The following PRX variants were observed in gnomAD, a reference collection of about 807,000 sequenced individuals.
PRX encodes periaxin.
A neutral mutation model predicts 29.6 loss-of-function variants in PRX; 24 were observed. That is an observed-to-expected ratio of 0.81 (90% CI 0.59 to 1.14). The LOEUF is 1.14. PRX is among the 50% of genes most tolerant of loss of function. The pLI is 0.00. For synonymous variants in PRX, 772 were observed against 831.7 expected, an observed-to-expected ratio of 0.93 and a Z score of 1.24; for missense variants, 1,838 against 1,926.4, an observed-to-expected ratio of 0.95 and a Z score of 0.86.
chr19:40,404,931 CAGAACAAG>C (rs928379294), intron 4 of PRX, among the ~76,000 whole-genome samples: 1 of 152,058 alleles, frequency 6.6e-6, no homozygotes, highest in African/African-American at 2.4e-5. Context: ...TTAATTACAG[CAGAACAAG>C]AGAATAGTTG....
intron 4 of PRX, among the ~76,000 whole-genome samples, chr19:40,405,057 T>G (rs190193089): frequency 2.2e-4 from 34 of 152,162 alleles, no homozygotes; most frequent in Admixed American, 2.1e-3. Flanking sequence ...TGTGAGAATG[T>G]GCTCTATTGT....
At chr19:40,413,150 G>A (rs2079566506) in intron 1 of PRX, among the ~76,000 whole-genome samples, 188 bp downstream of exon 1, 1 of 152,166 alleles carries the variant, frequency 6.6e-6, no homozygotes, top group South Asian at 2.1e-4. Flanking sequence ...TCTTGCCCAA[G>A]GCTGCACAGC....
At chr19:40,407,565 T>C (rs1285457611) in intron 4 of PRX, 1 of 451,084 alleles carries the variant, frequency 2.2e-6, no homozygotes, top group African/African-American at 2.0e-5. Flanking sequence ...CCTCCCAAAG[T>C]GCTGGAATTC....
chr19:40,397,834 T>G lies in PRX; in HGVS notation c.518A>C (p.Glu173Ala). 6.3e-7 allele frequency: 1 copy of G among 1,596,592 alleles called. No individual in the cohort carries two copies. ...AGCCGGGACAGGACCCTTGACAGCC[T>G]CGGCTTTGAGGCCCCGACGCAGGCG... ...FSRLRRGLKA[E>A]AVKGPVPAAP... is the part of the protein sequence containing the mutation. The change falls in exon 7 of 7, where the codon GAG becomes GCG. Residue 173 changes from glutamate (E) to alanine (A), a missense_variant. Physicochemically the swap from Glu to Ala is moderately radical, Grantham distance 107. Coordinates refer to ENST00000324001, the MANE Select transcript of PRX (RefSeq NM_181882.3).
In PRX at chr19:40,394,232, C is replaced by T. The variant is rs1174010000; in HGVS notation, c.4120G>A (p.Val1374Ile). Residue 1374 changes from valine to isoleucine, a missense_variant, in exon 7 of 7, where the codon GTC becomes ATC. By Grantham distance (29) the Val-to-Ile change is conservative. Transcript: ENST00000324001. This position sits in a 1 kb window ranked among gnomAD's most constrained non-coding sequence, Gnocchi z 5.8. The part of the protein sequence containing the change: ...GEGASGRRGR[V>I]RVRLPRVGLA... ...CCTACACGTGGCAAGCGGACCCGGA[C>T]CCGGCCCCGGCGACCCGAGGCCCCT... is the stretch of plus-strand genomic sequence containing the variant. 2 of 1,604,538 alleles carry T rather than the reference C, an allele frequency of 1.2e-6. No individual in the cohort carries two copies. The highest frequency in any genetic ancestry group is 8.5e-7 in the Non-Finnish European group (1 of 1,173,090).
chr19:40,401,462 A>G (rs1474120095), intron 5 of PRX, among the ~76,000 whole-genome samples: 1 of 151,972 alleles, frequency 6.6e-6, no homozygotes, highest in African/African-American at 2.4e-5. Context: ...GCTTGGCCAT[A>G]CTCTACTGTT....
chr19:40,413,149 A>G (rs2079566484), intron 1 of PRX, among the ~76,000 whole-genome samples, 189 bp downstream of exon 1: 3 of 152,196 alleles, frequency 2.0e-5, no homozygotes, highest in Non-Finnish European at 2.9e-5. Flanking sequence ...ATCTTGCCCA[A>G]GGCTGCACAG....
chr19:40,398,431 G>C lies in PRX; in HGVS notation c.381+189C>G. On this transcript the variant is annotated intron_variant, in intron 6 of 6. Transcript: ENST00000324001. This position sits in a 1 kb window ranked among gnomAD's most constrained non-coding sequence, Gnocchi z 6.3. Reference sequence around the variant, plus strand: ...CCGAGGTGGGTGAGGGCCCTGGGCTGGGGTGGGTCTGTCCCCCTTCCCGGG... The same window carrying C: ...CCGAGGTGGGTGAGGGCCCTGGGCTCGGGTGGGTCTGTCCCCCTTCCCGGG... 6.7e-7 allele frequency: 1 copy of C among 1,501,194 alleles called. No homozygotes were observed. The highest frequency in any genetic ancestry group is 8.8e-7 in the Non-Finnish European group (1 of 1,131,966). 93.0% of individuals were successfully genotyped at this position (1,501,194 alleles called of 1,614,324 possible).
At position 40,395,776 on chromosome 19, in the gene PRX, A is replaced by G. The variant is rs2079428460; in HGVS notation, c.2576T>C (p.Leu859Pro). The G allele has an allele frequency of 6.2e-7, 1 of 1,613,714 alleles. No homozygotes were observed. The highest frequency in any genetic ancestry group is 1.3e-5 in the African/African-American group (1 of 74,884). The stretch of plus-strand genomic sequence containing the variant: ...CAGGCCAAGTGCTCCTGGCAGGTCT[A>G]GCTCCACTGAAGGCAGAGTGAGAGA... ...VPSLTLPSVELDLPGALGLQG... is the reference protein window; with the variant it reads ...VPSLTLPSVEPDLPGALGLQG... Residue 859 changes from leucine to proline, a missense_variant, in exon 7 of 7, where the codon CTA becomes CCA. This residue lies in a region of PRX where 1,143 missense variants were observed against 1,193.0 expected (regional missense o/e 0.96). Transcript: ENST00000324001.
Position 40,403,699 on chromosome 19 carries a change from C to G in PRX, c.184+7G>C, listed in dbSNP as rs1349894582. On this transcript the variant is annotated splice_region_variant and intron_variant, in intron 5 of 6. Coordinates refer to ENST00000324001, the MANE Select transcript of PRX (RefSeq NM_181882.3). ...TCGACCCCGCCCCACACCCCGGGCC[C>G]GCCCACCTTCCTGCAGGCTGAGGCT... 1 of 1,546,150 alleles carries G rather than the reference C, an allele frequency of 6.5e-7. No homozygotes were observed. The highest frequency in any genetic ancestry group is 1.9e-5 in the Admixed American group (1 of 52,322).
At chr19:40,412,356 T>G (rs2079562433) in intron 1 of PRX, among the ~76,000 whole-genome samples, 1 of 152,188 alleles carries the variant, frequency 6.6e-6, no homozygotes, top group African/African-American at 2.4e-5. Flanking sequence ...GGCAAGATCC[T>G]TCATCTCTGG....
intron 5 of PRX, among the ~76,000 whole-genome samples, chr19:40,399,539 G>A (rs1042095668): frequency 6.6e-6 from 1 of 152,164 alleles, no homozygotes; most frequent in Admixed American, 6.5e-5. Flanking sequence ...CCTCTGTATA[G>A]TAAGTCCAAG....
intron 4 of PRX, among the ~76,000 whole-genome samples, chr19:40,405,063 A>G (rs1379479666): frequency 2.6e-5 from 4 of 152,076 alleles, no homozygotes; most frequent in African/African-American, 9.7e-5. Flanking sequence ...AATGTGCTCT[A>G]TTGTAAATTC....
In PRX at chr19:40,407,265, CT is replaced by C. The variant is rs796139969; in HGVS notation, c.27+640del. Reference sequence around the variant, plus strand: ...GTGTGTGTGTGTGTTTAGACAGGGTCTTTTTTTTTTTTTCTTTGTTTTTCTC... The same window carrying C: ...GTGTGTGTGTGTGTTTAGACAGGGTCTTTTTTTTTTTTCTTTGTTTTTCTC... On this transcript the variant is annotated intron_variant, in intron 4 of 6. Coordinates refer to ENST00000324001, the MANE Select transcript of PRX (RefSeq NM_181882.3). 7.8e-3 allele frequency among the ~76,000 whole-genome samples: 965 copies of C among 123,754 alleles called. 6 individuals carry two copies. Among genetic ancestry groups the C allele is most frequent in the African/African-American group, 0.022 (636 of 29,178 alleles). 81.2% of individuals were successfully genotyped at this position (123,754 alleles called of 152,430 possible).
In PRX at chr19:40,395,769, C is replaced by A. The variant is rs774488422; in HGVS notation, c.2583G>T (p.Leu861=). ...SLTLPSVELD[L]PGALGLQGQV... ...GCCCCTGCAGGCCAAGTGCTCCTGG[C>A]AGGTCTAGCTCCACTGAAGGCAGAG... The change falls in exon 7 of 7, where the codon CTG becomes CTT. Residue 861 remains leucine, a synonymous_variant. Transcript: ENST00000324001. 3 of 1,614,132 alleles carry A rather than the reference C, an allele frequency of 1.9e-6. No individual in the cohort carries two copies. The highest frequency in any genetic ancestry group is 1.7e-6 in the Non-Finnish European group (2 of 1,180,028).
chr19:40,413,742 G>A (rs1010609542), upstream of PRX, among the ~76,000 whole-genome samples: 20 of 152,120 alleles, frequency 1.3e-4, no homozygotes, highest in Non-Finnish European at 2.4e-4. Context: ...TGTCAACTTG[G>A]GTTCAAATCG....
In PRX at chr19:40,407,987, C is replaced by T; in HGVS notation, c.-55G>A. On this transcript the variant is annotated 5_prime_UTR_variant, in exon 4 of 7. Coordinates refer to ENST00000324001, the MANE Select transcript of PRX (RefSeq NM_181882.3). The stretch of plus-strand genomic sequence containing the variant: ...GCTCCTGTGTCCTCTCCCCTTTCTG[C>T]TGCAGAACCAGCTTCAGTTCTGCAT... 1 of 1,612,198 alleles carries T rather than the reference C, an allele frequency of 6.2e-7. No individual in the cohort carries two copies. Among genetic ancestry groups the T allele is most frequent in the South Asian group, 1.1e-5 (1 of 90,920 alleles).
At position 40,398,428 on chromosome 19, in the gene PRX, G is replaced by C. The variant is rs2079462877; in HGVS notation, c.381+192C>G. On this transcript the variant is annotated intron_variant, in intron 6 of 6. Coordinates refer to ENST00000324001, the MANE Select transcript of PRX (RefSeq NM_181882.3). The surrounding 1 kb of genome is among the most constrained non-coding windows in gnomAD (Gnocchi z 6.3). ...TCTCCGAGGTGGGTGAGGGCCCTGGGCTGGGGTGGGTCTGTCCCCCTTCCC... is the reference window on the plus strand; with the variant it reads ...TCTCCGAGGTGGGTGAGGGCCCTGGCCTGGGGTGGGTCTGTCCCCCTTCCC... 7.3e-6 allele frequency: 11 copies of C among 1,497,478 alleles called. No individual in the cohort carries two copies. In the South Asian group the frequency reaches 9.3e-5, roughly 13 times the overall value. The allele number at this position is 1,497,478 out of a possible 1,614,324, so 92.8% of individuals were successfully genotyped here. A position where few individuals can be genotyped will look rare whatever the true frequency, so the allele number is the denominator to read the frequency against.
chr19:40,395,351 GGGCATCCA>G lies in PRX; in HGVS notation c.2993_3000del (p.Leu998ProfsTer34), dbSNP rs1231723888. On this transcript the variant is annotated frameshift_variant, in exon 7 of 7. Coordinates refer to ENST00000324001, the MANE Select transcript of PRX (RefSeq NM_181882.3). LOFTEE classifies it low-confidence loss of function (END_TRUNC). ...ACCTCTACCTTGCCTGAGGGCAGGT[GGGCATCCA>G]GGCTGAGCTGTGGGATGGACAGATC... 6.2e-7 allele frequency: 1 copy of G among 1,613,600 alleles called. No homozygotes were observed. The highest frequency in any genetic ancestry group is 8.5e-7 in the Non-Finnish European group (1 of 1,180,024).
Sources: allele counts gnomAD v4.1 joint callset (sites outside exome capture counted in the v4.1 genomes callset), GRCh38; gene constraint gnomAD v4.1.1; regional missense constraint gnomAD v4.1.1; non-coding constraint Gnocchi (gnomAD v3.1); transcripts MANE v1.5; gene names NCBI Gene and HGNC (gene_info 2026-07-23, HGNC 2026-07-21).